The following PARP8 variants were observed in gnomAD, a reference collection of about 807,000 sequenced individuals.
The protein encoded by PARP8 is protein mono-ADP-ribosyltransferase PARP8.
PARP8 carries 51 observed loss-of-function variants against 124.1 expected under a neutral mutation model. The ratio of observed to expected loss-of-function variants is 0.41; its 90% confidence interval spans 0.33 to 0.52. PARP8 has a LOEUF of 0.52. Among genes scored for constraint, PARP8 ranks in the 20% least tolerant of loss-of-function variants. The pLI is 0.21. For synonymous variants in PARP8, 391 were observed against 361.5 expected, an observed-to-expected ratio of 1.08 and a Z score of -0.93; for missense variants, 860 against 1,018.9, an observed-to-expected ratio of 0.84 and a Z score of 2.12.
Position 50,678,235 on chromosome 5 carries a change from A to G in PARP8, c.146+10110A>G, listed in dbSNP as rs2149441687. 2.6e-5 allele frequency among the ~76,000 whole-genome samples: 4 copies of G among 152,320 alleles called. No individual in the cohort carries two copies. The South Asian group carries it at 8.3e-4, about 32-fold the overall frequency. ...TTTTCAATCACCATAGAAATACAAT[A>G]TTTAATAATGCTGCTGCAGTACTTA... On this transcript the variant is annotated intron_variant, in intron 2 of 25. Coordinates refer to ENST00000281631, the MANE Select transcript of PARP8 (RefSeq NM_024615.4).
At chr5:50,680,894 G>C (rs914075287) in intron 2 of PARP8, among the ~76,000 whole-genome samples, 2 of 152,066 alleles carry the variant, frequency 1.3e-5, no homozygotes, top group African/African-American at 4.8e-5. Flanking sequence ...TCGATGCACT[G>C]TTATTAAAAC....
chr5:50,831,298 A>G (rs1467112394), intron 22 of PARP8, among the ~76,000 whole-genome samples: 2 of 152,160 alleles, frequency 1.3e-5, no homozygotes, highest in Non-Finnish European at 2.9e-5. Flanking sequence ...TGGGTCAGGA[A>G]TCTAGGATGG....
chr5:50,770,696 CAAAG>C (rs959040069), intron 7 of PARP8, among the ~76,000 whole-genome samples: 5 of 145,936 alleles, frequency 3.4e-5, no homozygotes, highest in African/African-American at 5.2e-5. Context: ...AGAAAGCAAG[CAAAG>C]AAAGAAAGGA....
chr5:50,714,088 T>C (rs542971745), intron 2 of PARP8, among the ~76,000 whole-genome samples: 16 of 151,532 alleles, frequency 1.1e-4, no homozygotes, highest in East Asian at 5.8e-4. Context: ...TTCTTTCTTT[T>C]TTTTTTTTTT....
chr5:50,828,910 G>A (rs200031705), intron 21 of PARP8, among the ~76,000 whole-genome samples: 1 of 149,502 alleles, frequency 6.7e-6, no homozygotes, highest in East Asian at 2.1e-4. Flanking sequence ...GAAAAAAAAA[G>A]AAAAGAAAAG....
intron 15 of PARP8, among the ~76,000 whole-genome samples, chr5:50,820,470 A>G (rs1284356543): frequency 2.0e-5 from 3 of 152,198 alleles, no homozygotes; most frequent in East Asian, 1.9e-4. Context: ...TCAAACTGCT[A>G]TATAGTACTG....
intron 2 of PARP8, among the ~76,000 whole-genome samples, chr5:50,681,068 C>T (rs11739828): frequency 0.89 from 135,966 of 152,196 alleles, 60,769 homozygotes; most frequent in East Asian, 0.96. Context: ...CCTAGTAATA[C>T]AGCACAAATG....
At chr5:50,753,391 C>G (rs1272363005) in intron 3 of PARP8, among the ~76,000 whole-genome samples, 4 of 152,004 alleles carry the variant, frequency 2.6e-5, no homozygotes, top group African/African-American at 7.2e-5. Flanking sequence ...GAATAAACCT[C>G]TTAAGTGAGA....
chr5:50,772,565 T>C (rs1041459058), intron 7 of PARP8, among the ~76,000 whole-genome samples: 1 of 152,258 alleles, frequency 6.6e-6, no homozygotes, highest in Admixed American at 6.5e-5. Context: ...TGAAGTGATA[T>C]CTCACTGTGG....
At chr5:50,667,795 G>A in intron 1 of PARP8, 1 of 930,600 alleles carries the variant, frequency 1.1e-6, no homozygotes, top group Non-Finnish European at 1.7e-6. Context: ...GCTACCGCGA[G>A]CCCGGCTGAG....
chr5:50,822,905 G>C (rs1425435690), intron 17 of PARP8, among the ~76,000 whole-genome samples: 1 of 152,184 alleles, frequency 6.6e-6, no homozygotes, highest in Non-Finnish European at 1.5e-5. Flanking sequence ...ATAGTTTGAT[G>C]AGCAAGGATC....
intron 9 of PARP8, among the ~76,000 whole-genome samples, chr5:50,782,064 C>G (rs1439544348): frequency 6.6e-6 from 1 of 152,188 alleles, no homozygotes; most frequent in African/African-American, 2.4e-5. Flanking sequence ...AGGGAGGAAG[C>G]CCTGCCAGAC....
At chr5:50,714,098 T>TC in intron 2 of PARP8, among the ~76,000 whole-genome samples, 1 of 151,636 alleles carries the variant, frequency 6.6e-6, no homozygotes, top group East Asian at 1.9e-4. Flanking sequence ...TTTTTTTTTT[T>TC]TCCCCAGAAT....
intron 2 of PARP8, among the ~76,000 whole-genome samples, chr5:50,745,409 G>T (rs1485971240): frequency 1.3e-5 from 2 of 152,186 alleles, no homozygotes; most frequent in Non-Finnish European, 1.5e-5. Context: ...GTCTGGCATT[G>T]TCCTGGGGTC....
intron 2 of PARP8, among the ~76,000 whole-genome samples, chr5:50,701,945 A>G (rs574723028): frequency 8.5e-5 from 13 of 152,268 alleles, no homozygotes; most frequent in Admixed American, 1.3e-4. Flanking sequence ...CACAAAAATA[A>G]TGGCCGTAAT....
intron 25 of PARP8, among the ~76,000 whole-genome samples, chr5:50,840,523 C>T (rs1748065800): frequency 6.6e-6 from 1 of 151,640 alleles, no homozygotes; most frequent in Non-Finnish European, 1.5e-5. Context: ...AAAATAAGGG[C>T]TTTGAATATA....
intron 25 of PARP8, among the ~76,000 whole-genome samples, chr5:50,841,716 A>G (rs1748199566): frequency 6.6e-6 from 1 of 150,488 alleles, no homozygotes; most frequent in Admixed American, 6.7e-5. Context: ...AGCTTCTTGC[A>G]ACTCAGACAG....
intron 3 of PARP8, among the ~76,000 whole-genome samples, chr5:50,755,486 G>T (rs113240270): frequency 2.0e-5 from 3 of 151,916 alleles, no homozygotes; most frequent in Admixed American, 6.6e-5. Flanking sequence ...AGCTCAGATG[G>T]TTGTAGATGT....
At position 50,795,358 on chromosome 5, in the gene PARP8, C is replaced by T; in HGVS notation, c.1369C>T (p.Leu457Phe). Residue 457 changes from leucine (L) to phenylalanine (F), a missense_variant, in exon 12 of 26, where the codon CTT becomes TTT. Leu to Phe is a conservative substitution (Grantham distance 22). This residue lies in a region of PARP8 where 517 missense variants were observed against 544.2 expected (regional missense o/e 0.95). Coordinates refer to ENST00000281631, the MANE Select transcript of PARP8 (RefSeq NM_024615.4). ...EPNAEGRRLS[L>F]TSGLIGILTP... is the part of the protein sequence containing the mutation. ...TAACGCAGAGGGCAGGAGGCTCTCT[C>T]TTACCTCAGGGCTTATTGGTATCCT... is the stretch of plus-strand genomic sequence containing the variant. 1 of 1,614,024 alleles carries T rather than the reference C, an allele frequency of 6.2e-7. No individual in the cohort carries two copies. Among genetic ancestry groups the T allele is most frequent in the Non-Finnish European group, 8.5e-7 (1 of 1,179,956 alleles).
Sources: gnomAD v4.1 joint callset for allele counts (sites outside exome capture counted in the v4.1 genomes callset) on GRCh38, gnomAD v4.1.1 for gene constraint, gnomAD v4.1.1 regional missense constraint, MANE v1.5 for transcripts, NCBI Gene and HGNC (gene_info 2026-07-23, HGNC 2026-07-21) for gene names.